COPB1: variants seen among roughly 807,000 people sequenced by gnomAD.
The protein encoded by COPB1 is coatomer subunit beta.
Under a neutral mutation model 108.7 loss-of-function variants are expected in COPB1, and 21 were observed. The ratio of observed to expected loss-of-function variants is 0.19; its 90% CI spans 0.14 to 0.28. The LOEUF (loss-of-function observed/expected upper bound fraction) is 0.28, where lower values mean the gene tolerates loss of function less well. Ranked by LOEUF, COPB1 falls within the 10% of genes least tolerant of loss-of-function variation. The probability of loss-of-function intolerance (pLI) is 1.00; values close to 1 mark genes in which losing one functional copy is unlikely to be tolerated. For synonymous variants in COPB1, 378 were observed against 386.8 expected (o/e 0.98, Z 0.27); for missense variants, 919 against 1,141.3 (o/e 0.81, Z 2.81).
intron 16 of COPB1, among the ~76,000 whole-genome samples, chr11:14,467,720 A>G (rs886372603): frequency 1.3e-5 from 2 of 152,256 alleles, no homozygotes; most frequent in African/African-American, 4.8e-5. Flanking sequence ...ATAAGGCAGG[A>G]AATTCTGATA....
intron 7 of COPB1, among the ~76,000 whole-genome samples, chr11:14,484,067 G>A (rs1468887817): frequency 6.6e-6 from 1 of 152,148 alleles, no homozygotes; most frequent in Non-Finnish European, 1.5e-5. Flanking sequence ...CACTTCTGTG[G>A]TATTCTTTCC....
chr11:14,493,524 G>A (rs1329460624), intron 4 of COPB1, 118 bp downstream of exon 4: 39 of 814,320 alleles, frequency 4.8e-5, no homozygotes, highest in Non-Finnish European at 2.6e-5. Flanking sequence ...ATACAGTGCT[G>A]GCCATACAAA....
chr11:14,487,032 A>C (rs2134120994), intron 6 of COPB1, among the ~76,000 whole-genome samples: 1 of 152,332 alleles, frequency 6.6e-6, no homozygotes, highest in Admixed American at 6.5e-5. Context: ...AGCTAATAAA[A>C]GGAAAATACC....
intron 18 of COPB1, 73 bp downstream of exon 18, chr11:14,464,838 T>A (rs1269348780): frequency 1.3e-6 from 2 of 1,507,492 alleles, no homozygotes. Flanking sequence ...TCATACAATG[T>A]CCCCAGCTAC....
At chr11:14,462,537 G>A (rs1036816740) in intron 18 of COPB1, among the ~76,000 whole-genome samples, 13 of 152,082 alleles carry the variant, frequency 8.5e-5, no homozygotes, top group Non-Finnish European at 1.3e-4. Flanking sequence ...CGGCCTCTAG[G>A]CTCTTTTCTT....
chr11:14,478,438 A>C (rs1850576709), intron 11 of COPB1, among the ~76,000 whole-genome samples: 1 of 109,988 alleles, frequency 9.1e-6, no homozygotes, highest in Admixed American at 1.1e-4. Context: ...ATAAAGTAAA[A>C]ACAAAACAAA....
chr11:14,473,840 T>TAA (rs60686212), intron 14 of COPB1, among the ~76,000 whole-genome samples: 82 of 138,472 alleles, frequency 5.9e-4, no homozygotes, highest in East Asian at 4.5e-3. Flanking sequence ...TTCATTTGTT[T>TAA]AAAAAAAAAA....
chr11:14,492,228 T>C (rs1031565242), intron 4 of COPB1, among the ~76,000 whole-genome samples: 5 of 152,310 alleles, frequency 3.3e-5, no homozygotes, highest in African/African-American at 1.2e-4. Context: ...ACATTTCCAA[T>C]TGTCCTATAA....
intron 4 of COPB1, 138 bp from the exon 5 acceptor site, chr11:14,490,817 TCTCA>T: frequency 1.8e-6 from 1 of 563,838 alleles, no homozygotes; most frequent in South Asian, 2.2e-5. Context: ...GGAGACAGAG[TCTCA>T]CTCTGTTGCC....
intron 8 of COPB1, among the ~76,000 whole-genome samples, chr11:14,481,640 C>T (rs577880998): frequency 2.0e-5 from 3 of 152,234 alleles, no homozygotes; most frequent in African/African-American, 7.2e-5. Flanking sequence ...TTAACAATTT[C>T]GTTAAATGTG....
Position 14,476,914 on chromosome 11 carries a change from C to T in COPB1, c.1455+5G>A, listed in dbSNP as rs757958683. 1.3e-6 allele frequency: 2 copies of T among 1,577,646 alleles called. No homozygotes were observed. The highest frequency in any genetic ancestry group is 1.7e-6 in the Non-Finnish European group (2 of 1,147,394). ...TAAACTAACATTTACTAAAGTAAAA[C>T]ATACCTCTCCAAGGGACCTGCGGAT... On this transcript the variant is annotated splice_donor_5th_base_variant and intron_variant, in intron 12 of 21. Transcript: ENST00000439561.
At chr11:14,467,040 T>C (rs1449407104) in intron 16 of COPB1, among the ~76,000 whole-genome samples, 2 of 151,850 alleles carry the variant, frequency 1.3e-5, no homozygotes, top group African/African-American at 2.4e-5. Flanking sequence ...AAAGAAAAAA[T>C]AGATTAAACA....
chr11:14,468,790 T>C lies in COPB1; in HGVS notation c.2036A>G (p.Lys679Arg), dbSNP rs1850339450. The C allele has an allele frequency of 1.9e-6, 3 of 1,614,068 alleles. No homozygotes were observed. The East Asian group carries it at 6.7e-5, about 36-fold the overall frequency. Residue 679 changes from lysine to arginine, a missense_variant, in exon 16 of 22, where the codon AAG becomes AGG. By Grantham distance (26) the Lys-to-Arg change is conservative. Around this residue, in one of 5 missense-constraint regions of COPB1, gnomAD observed 705 missense variants for 817.8 expected, o/e 0.86. Coordinates refer to ENST00000439561, the MANE Select transcript of COPB1 (RefSeq NM_001144061.2). ...DPISFMQLTA[K>R]NEMNCKEDQF... ...ATCTTCCTTGCAGTTCATTTCATTC[T>C]TAGCAGTTAGTTGCATGAAGGAAAT...
At position 14,467,383 on chromosome 11, in the gene COPB1, C is replaced by A. The variant is rs577507737; in HGVS notation, c.2146-957G>T. Among the ~76,000 whole-genome samples the A allele has an allele frequency of 1.8e-3, 268 of 151,514 alleles. 2 individuals are homozygous for A. The highest frequency in any genetic ancestry group is 1.9e-3 in the Non-Finnish European group (129 of 67,752). On this transcript the variant is annotated intron_variant, in intron 16 of 21. Coordinates refer to ENST00000439561, the MANE Select transcript of COPB1 (RefSeq NM_001144061.2). ...TAAGATGGCTATCATCAAAAAAAAACAAAACAAGTGTTGGCAAGGATATGG... is the reference window on the plus strand; with the variant it reads ...TAAGATGGCTATCATCAAAAAAAAAAAAAACAAGTGTTGGCAAGGATATGG...
rs527383514 is a variant in COPB1, at chr11:14,477,535, T to C, written c.1359-520A>G. Among the ~76,000 whole-genome samples, 11 of 149,220 alleles carry C rather than the reference T, an allele frequency of 7.4e-5. 1 individual carries two copies. Among genetic ancestry groups the C allele is most frequent in the Admixed American group, 7.3e-4 (11 of 15,014 alleles). On this transcript the variant is annotated intron_variant, in intron 11 of 21. Transcript: ENST00000439561. ...GGTGAAACCCCATCTCTACTAAAAA[T>C]ACAAAAATCAGCCAGGCATGGTGAT...
intron 11 of COPB1, among the ~76,000 whole-genome samples, chr11:14,477,955 G>A (rs1850565271): frequency 6.7e-6 from 1 of 148,772 alleles, no homozygotes; most frequent in Admixed American, 6.7e-5. Flanking sequence ...GCAATGCCCT[G>A]AGATAGCGCC....
chr11:14,482,896 T>G (rs1035230566), intron 8 of COPB1, 136 bp downstream of exon 8: 60 of 703,126 alleles, frequency 8.5e-5, no homozygotes, highest in Non-Finnish European at 1.1e-4. Flanking sequence ...GACTCAATAG[T>G]TAACACTTTA....
At chr11:14,467,904 A>T (rs938187175) in intron 16 of COPB1, among the ~76,000 whole-genome samples, 4 of 152,166 alleles carry the variant, frequency 2.6e-5, no homozygotes, top group African/African-American at 7.2e-5. Flanking sequence ...GGAAGTAGGA[A>T]TGACGAGTTA....
chr11:14,469,542 A>T lies in COPB1; in HGVS notation c.1759T>A (p.Leu587Met). Residue 587 changes from leucine to methionine, a missense_variant, in exon 15 of 22, where the codon TTG (leucine) becomes ATG (methionine). Coordinates refer to ENST00000439561, the MANE Select transcript of COPB1 (RefSeq NM_001144061.2). ...AAATGCAGGATAGTAGCCATGAGCA[A>T]CATAGCCTCAGCAACAAAAGACTAA... ...KQNSFVAEAM[L>M]LMATILHLGK... is the part of the protein sequence containing the mutation. 1 of 1,614,146 alleles carries T rather than the reference A, an allele frequency of 6.2e-7. No homozygotes were observed. Among genetic ancestry groups the T allele is most frequent in the Non-Finnish European group, 8.5e-7 (1 of 1,180,002 alleles).
Sources: allele counts gnomAD v4.1 joint callset (sites outside exome capture counted in the v4.1 genomes callset), GRCh38; gene constraint gnomAD v4.1.1; regional missense constraint gnomAD v4.1.1; transcripts MANE v1.5; gene names NCBI Gene and HGNC (gene_info 2026-07-23, HGNC 2026-07-21).